The following ALK variants were observed in gnomAD, a reference collection of about 807,000 sequenced individuals.
The protein encoded by ALK is ALK tyrosine kinase receptor.
Under a neutral mutation model 163.1 loss-of-function variants are expected in ALK, and 74 were observed. The ratio of observed to expected loss-of-function variants is 0.45; its 90% confidence interval spans 0.38 to 0.55. ALK has a LOEUF of 0.55. Among genes scored for constraint, ALK ranks in the 20% least tolerant of loss-of-function variants. The pLI, the probability that ALK is intolerant of heterozygous loss-of-function variation, is 0.00. For missense variants in ALK, 2,063 were observed against 2,105.3 expected (o/e 0.98, Z 0.39); for synonymous variants, 960 against 843.2 (o/e 1.14, Z -2.40).
intron 4 of ALK, among the ~76,000 whole-genome samples, chr2:29,393,819 G>C (rs1478142534): frequency 6.6e-6 from 1 of 152,168 alleles, no homozygotes; most frequent in Non-Finnish European, 1.5e-5. Context: ...GATGAAATAG[G>C]CAGGAGAACA....
At chr2:29,833,159 G>A (rs2148389358) in intron 1 of ALK, among the ~76,000 whole-genome samples, 1 of 152,320 alleles carries the variant, frequency 6.6e-6, no homozygotes, top group African/African-American at 2.4e-5. Context: ...AGGAAAGTGA[G>A]CATCAGGCCC....
intron 9 of ALK, among the ~76,000 whole-genome samples, chr2:29,294,508 CT>C (rs1246022779): frequency 2.0e-5 from 3 of 152,246 alleles, no homozygotes; most frequent in East Asian, 3.9e-4. Flanking sequence ...AAGCACTTTA[CT>C]TCTCCAAACC....
At chr2:29,244,647 G>T (rs1051840972) in intron 12 of ALK, among the ~76,000 whole-genome samples, 2 of 152,316 alleles carry the variant, frequency 1.3e-5, no homozygotes, top group African/African-American at 4.8e-5. Flanking sequence ...GGAGAGGAGG[G>T]AAGACAACTT....
At chr2:29,226,305 C>T (rs1278212186) in intron 18 of ALK, among the ~76,000 whole-genome samples, 1 of 151,882 alleles carries the variant, frequency 6.6e-6, no homozygotes, top group African/African-American at 2.4e-5. Context: ...AGGTGAAACC[C>T]TGTCTCTACT....
intron 1 of ALK, among the ~76,000 whole-genome samples, chr2:29,757,063 G>A (rs1284745179): frequency 6.6e-6 from 1 of 152,168 alleles, no homozygotes; most frequent in Non-Finnish European, 1.5e-5. Context: ...AGTTGAGCAG[G>A]ATCCTTTGTG....
Position 29,920,722 on chromosome 2 carries a change from G to A in ALK, c.-63C>T, listed in dbSNP as rs896280122. On this transcript the variant is annotated 5_prime_UTR_variant, in exon 1 of 29. Coordinates refer to ENST00000389048, the MANE Select transcript of ALK (RefSeq NM_004304.5). ...CAGCCTCACCCTTCGCTCTCCCCGA[G>A]ATGGGAAGAGGCTCTGAACAGTCCT... The A allele has an allele frequency of 5.0e-6, 7 of 1,404,532 alleles. No homozygotes were observed. Among genetic ancestry groups the A allele is most frequent in the African/African-American group, 1.4e-5 (1 of 70,342 alleles). 87.0% of individuals were successfully genotyped at this position (1,404,532 alleles called of 1,614,324 possible). A position where few individuals can be genotyped will look rare whatever the true frequency, so the allele number is the denominator to read the frequency against.
chr2:29,219,575 G>C (rs1480936162), intron 23 of ALK, among the ~76,000 whole-genome samples: 1 of 152,206 alleles, frequency 6.6e-6, no homozygotes, highest in Admixed American at 6.5e-5. Context: ...AGGAAGCCTG[G>C]ATCCTAACCT....
chr2:29,399,104 G>A (rs1302731976), intron 4 of ALK, among the ~76,000 whole-genome samples: 4 of 152,162 alleles, frequency 2.6e-5, no homozygotes, highest in South Asian at 2.1e-4. Flanking sequence ...TTACATTAGC[G>A]CCTGCCATCC....
intron 4 of ALK, among the ~76,000 whole-genome samples, chr2:29,419,713 A>G (rs1482947814): frequency 6.6e-6 from 1 of 151,612 alleles, no homozygotes; most frequent in East Asian, 1.9e-4. Flanking sequence ...AGTTATATAA[A>G]CAAAATAGTC....
chr2:29,322,354 C>A (rs1235155723), intron 6 of ALK, among the ~76,000 whole-genome samples: 2 of 151,664 alleles, frequency 1.3e-5, no homozygotes, highest in Middle Eastern at 3.2e-3. Flanking sequence ...CCCATTTATA[C>A]CCCCCTGAAG....
At chr2:29,209,311 C>T (rs955593112) in intron 25 of ALK, among the ~76,000 whole-genome samples, 6 of 152,016 alleles carry the variant, frequency 3.9e-5, no homozygotes, top group Non-Finnish European at 8.8e-5. Flanking sequence ...GAAGCTGAGG[C>T]GGGCAGATCA....
At chr2:29,803,069 T>C (rs569566925) in intron 1 of ALK, among the ~76,000 whole-genome samples, 3 of 152,264 alleles carry the variant, frequency 2.0e-5, no homozygotes, top group Non-Finnish European at 4.4e-5. Flanking sequence ...CTTGAACTGT[T>C]ATGCAAGTAA....
intron 1 of ALK, among the ~76,000 whole-genome samples, chr2:29,767,813 C>G (rs113244331): frequency 6.6e-6 from 1 of 152,182 alleles, no homozygotes; most frequent in Non-Finnish European, 1.5e-5. Context: ...ATGTGCCTGG[C>G]GCCATCTGGC....
chr2:29,450,395 T>C (rs1395320416), intron 4 of ALK, among the ~76,000 whole-genome samples: 1 of 152,146 alleles, frequency 6.6e-6, no homozygotes, highest in African/African-American at 2.4e-5. Flanking sequence ...CAGGGCTAAC[T>C]AGGACAATTC....
chr2:29,826,284 A>T (rs1665196626), intron 1 of ALK, among the ~76,000 whole-genome samples: 1 of 151,872 alleles, frequency 6.6e-6, no homozygotes, highest in Non-Finnish European at 1.5e-5. Context: ...TGATTTTATG[A>T]CTTTTTTGTG....
chr2:29,778,830 C>T (rs965570407), intron 1 of ALK, among the ~76,000 whole-genome samples: 1 of 152,098 alleles, frequency 6.6e-6, no homozygotes, highest in East Asian at 1.9e-4. Flanking sequence ...CGTCCTGCCA[C>T]GGGTTTTCCT....
intron 10 of ALK, 70 bp from the exon 11 acceptor site, chr2:29,275,297 C>T (rs1665505952): frequency 2.5e-6 from 4 of 1,612,330 alleles, no homozygotes; most frequent in Non-Finnish European, 3.4e-6. Context: ...TGATTTCACA[C>T]TGAGGGAGGT....
At chr2:29,433,412 A>G (rs572345326) in intron 4 of ALK, among the ~76,000 whole-genome samples, 1 of 152,338 alleles carries the variant, frequency 6.6e-6, no homozygotes, top group East Asian at 1.9e-4. Context: ...ACATGAGGCC[A>G]TTAGGAGGCT....
intron 4 of ALK, among the ~76,000 whole-genome samples, chr2:29,416,337 G>A (rs2148326113): frequency 6.6e-6 from 1 of 152,232 alleles, no homozygotes; most frequent in East Asian, 1.9e-4. Context: ...ACAAGATTAG[G>A]GAAAGAAACT....
Sources: allele counts gnomAD v4.1 joint callset (sites outside exome capture counted in the v4.1 genomes callset), GRCh38; gene constraint gnomAD v4.1.1; transcripts MANE v1.5; gene names NCBI Gene and HGNC (gene_info 2026-07-23, HGNC 2026-07-21).